The following GPD2 variants were observed in gnomAD, a reference collection of about 807,000 sequenced individuals.
The protein encoded by GPD2 is glycerol-3-phosphate dehydrogenase, mitochondrial.
GPD2 carries 54 observed loss-of-function variants against 82.4 expected under a neutral mutation model. The ratio of observed to expected loss-of-function variants is 0.66; its 90% CI spans 0.53 to 0.82. GPD2 has a LOEUF of 0.82. Ranked by LOEUF, GPD2 falls within the 40% of genes least tolerant of loss-of-function variation. The pLI is 0.00. For synonymous variants in GPD2, 288 were observed against 306.1 expected (o/e 0.94, Z 0.62); for missense variants, 748 against 896.2 (o/e 0.83, Z 2.11).
In GPD2 at chr2:156,569,549, A is replaced by G; in HGVS notation, c.1476+11A>G. On this transcript the variant is annotated intron_variant, in intron 11 of 16. Coordinates refer to ENST00000438166, the MANE Select transcript of GPD2 (RefSeq NM_000408.5). The stretch of plus-strand genomic sequence containing the variant: ...GGACTTGAAAGCGAGGTGAGTGTGC[A>G]TTGCCACATCATCTTACTCTTTACC... 1 of 1,597,774 alleles carries G rather than the reference A, an allele frequency of 6.3e-7. No homozygotes were observed. The highest frequency in any genetic ancestry group is 1.3e-5 in the African/African-American group (1 of 74,670).
intron 2 of GPD2, among the ~76,000 whole-genome samples, chr2:156,485,479 A>G (rs1683905888): frequency 6.6e-6 from 1 of 152,234 alleles, no homozygotes; most frequent in Admixed American, 6.5e-5. Context: ...TCATCCATTC[A>G]TAGTCCATTC....
intron 15 of GPD2, 59 bp downstream of exon 15, chr2:156,579,223 G>A (rs1687938535): frequency 3.1e-6 from 3 of 976,990 alleles, no homozygotes; most frequent in African/African-American, 1.6e-5. Flanking sequence ...AATATTAGAT[G>A]TTTTTCTCAT....
intron 9 of GPD2, among the ~76,000 whole-genome samples, chr2:156,562,742 A>G (rs2105353787): frequency 6.6e-6 from 1 of 152,326 alleles, no homozygotes; most frequent in African/African-American, 2.4e-5. Context: ...TGAAATAATC[A>G]CATCATACTT....
chr2:156,456,097 AT>A (rs1206036550), intron 1 of GPD2, among the ~76,000 whole-genome samples: 3 of 152,072 alleles, frequency 2.0e-5, no homozygotes, highest in Admixed American at 2.0e-4. Flanking sequence ...TTACTGCTTG[AT>A]TTATCCAGTG....
rs1445854668 is a variant in GPD2 at position 156,492,952 on chromosome 2, G to T, written c.103-3092G>T. On this transcript the variant is annotated intron_variant, in intron 2 of 16. Transcript: ENST00000438166. Reference sequence around the variant, plus strand: ...ATATATGTAAGACATCCAAATGGAGGTCTCAAGTAGGCAGTGTGAGATCTG... The same window carrying T: ...ATATATGTAAGACATCCAAATGGAGTTCTCAAGTAGGCAGTGTGAGATCTG... Among the ~76,000 whole-genome samples the T allele has an allele frequency of 2.0e-5, 3 of 152,188 alleles. No individual in the cohort carries two copies. In the East Asian group the frequency reaches 5.8e-4, roughly 29 times the overall value.
intron 3 of GPD2, among the ~76,000 whole-genome samples, chr2:156,505,864 A>G (rs1222802197): frequency 6.6e-6 from 1 of 152,232 alleles, no homozygotes; most frequent in African/African-American, 2.4e-5. Flanking sequence ...AACATACCAG[A>G]AAACTGAACT....
At chr2:156,561,535 T>C (rs1687178316) in intron 9 of GPD2, among the ~76,000 whole-genome samples, 1 of 152,212 alleles carries the variant, frequency 6.6e-6, no homozygotes, top group Non-Finnish European at 1.5e-5. Flanking sequence ...GCTAGATACC[T>C]TTAGCATGAC....
intron 6 of GPD2, among the ~76,000 whole-genome samples, chr2:156,516,001 T>G (rs143046212): frequency 6.6e-6 from 1 of 152,196 alleles, no homozygotes. Context: ...AAGAATTAAA[T>G]GAGTAAATCC....
intron 2 of GPD2, among the ~76,000 whole-genome samples, chr2:156,494,989 A>T (rs1186265728): frequency 2.0e-5 from 3 of 152,170 alleles, no homozygotes; most frequent in Admixed American, 2.0e-4. Context: ...ATGGAAGGTC[A>T]TTATTTTTTA....
chr2:156,470,060 A>G (rs1030175695), intron 1 of GPD2, among the ~76,000 whole-genome samples: 3 of 152,180 alleles, frequency 2.0e-5, no homozygotes, highest in Non-Finnish European at 4.4e-5. Flanking sequence ...ATTATATGCT[A>G]AACAAGGGGT....
intron 1 of GPD2, among the ~76,000 whole-genome samples, chr2:156,447,666 TG>T (rs1682415373): frequency 6.6e-6 from 1 of 152,208 alleles, no homozygotes; most frequent in African/African-American, 2.4e-5. Flanking sequence ...TCCTCTTGAC[TG>T]ACAAATCAAT....
chr2:156,420,631 T>C, the GPD2 span, among the ~76,000 whole-genome samples: 2 of 152,264 alleles, frequency 1.3e-5, no homozygotes, highest in East Asian at 3.8e-4. Flanking sequence ...AAAACTAATT[T>C]CATTTCATTT....
At chr2:156,477,522 A>G (rs1238807401) in intron 2 of GPD2, among the ~76,000 whole-genome samples, 1 of 152,198 alleles carries the variant, frequency 6.6e-6, no homozygotes, top group Non-Finnish European at 1.5e-5. Flanking sequence ...GCCAATTTTT[A>G]TGTGATTCTT....
intron 1 of GPD2, among the ~76,000 whole-genome samples, chr2:156,473,278 G>T (rs1299641062): frequency 6.6e-6 from 1 of 152,078 alleles, no homozygotes; most frequent in Non-Finnish European, 1.5e-5. Flanking sequence ...GTAGTTTTTT[G>T]ATAGTATTAG....
chr2:156,427,688 T>C, the GPD2 span, among the ~76,000 whole-genome samples: 24 of 152,256 alleles, frequency 1.6e-4, no homozygotes, highest in African/African-American at 5.8e-4. Context: ...GAAAGCTGTA[T>C]TAGTTTCCTA....
chr2:156,455,916 CTTTG>C (rs1029262465), intron 1 of GPD2, among the ~76,000 whole-genome samples: 3 of 152,066 alleles, frequency 2.0e-5, no homozygotes, highest in African/African-American at 4.8e-5. Flanking sequence ...TCCATATTGC[CTTTG>C]TTTGGTGAAA....
intron 6 of GPD2, among the ~76,000 whole-genome samples, chr2:156,527,968 C>T (rs1032900701): frequency 4.6e-5 from 7 of 152,024 alleles, no homozygotes; most frequent in African/African-American, 1.4e-4. Context: ...AATAATTCCC[C>T]GTGTGCAAAG....
chr2:156,560,447 GGT>G (rs1488387993), intron 9 of GPD2, among the ~76,000 whole-genome samples: 1 of 152,112 alleles, frequency 6.6e-6, no homozygotes, highest in Non-Finnish European at 1.5e-5. Context: ...TCTTCCTCCT[GGT>G]GATCTGGGGA....
At chr2:156,513,529 GA>G in intron 6 of GPD2, 33 bp downstream of exon 6, 1 of 1,531,674 alleles carries the variant, frequency 6.5e-7, no homozygotes, top group Non-Finnish European at 9.0e-7. Context: ...TTCCTCACAA[GA>G]TACTTTTCTC....
Sources: gnomAD v4.1 joint callset for allele counts (sites outside exome capture counted in the v4.1 genomes callset) on GRCh38, gnomAD v4.1.1 for gene constraint, MANE v1.5 for transcripts, NCBI Gene and HGNC (gene_info 2026-07-23, HGNC 2026-07-21) for gene names.